The following EXOC6B variants were observed in gnomAD, a reference collection of about 807,000 sequenced individuals.
EXOC6B encodes SEC15 homolog B.
In EXOC6B, 54 loss-of-function variants were observed where a neutral mutation model predicts 113.5. The observed-to-expected ratio is 0.48, with a 90% confidence interval of 0.38 to 0.60. EXOC6B has a LOEUF of 0.60. Among genes scored for constraint, EXOC6B ranks in the 20% least tolerant of loss-of-function variants. The pLI is 0.00. For synonymous variants in EXOC6B, 357 were observed against 339.0 expected (o/e 1.05, Z -0.58); for missense variants, 797 against 977.5 (o/e 0.82, Z 2.46).
At chr2:72,799,366 T>C (rs1171969950) in intron 1 of EXOC6B, among the ~76,000 whole-genome samples, 2 of 151,454 alleles carry the variant, frequency 1.3e-5, no homozygotes, top group Non-Finnish European at 2.9e-5. Flanking sequence ...GCCTAGGAGA[T>C]TGAGACCAAC....
intron 6 of EXOC6B, among the ~76,000 whole-genome samples, chr2:72,634,354 G>A (rs925469464): frequency 3.7e-4 from 56 of 152,026 alleles, no homozygotes; most frequent in African/African-American, 1.0e-3. Context: ...TCCTCTTCCC[G>A]CTAAGTACAA....
chr2:72,309,706 G>A (rs1028116083), intron 20 of EXOC6B, among the ~76,000 whole-genome samples: 38 of 151,550 alleles, frequency 2.5e-4, no homozygotes, highest in African/African-American at 8.7e-4. Flanking sequence ...AAATTCAGTG[G>A]CACTAAGTAC....
chr2:72,687,202 CTTTATAGTATT>C (rs1322748395), intron 6 of EXOC6B, among the ~76,000 whole-genome samples: 1 of 151,214 alleles, frequency 6.6e-6, no homozygotes, highest in Non-Finnish European at 1.5e-5. Flanking sequence ...GTTTTTCTTA[CTTTATAGTATT>C]TTATGGATAG....
At chr2:72,495,566 A>C in intron 14 of EXOC6B, 27 bp from the exon 15 acceptor site, 1 of 1,255,942 alleles carries the variant, frequency 8.0e-7, no homozygotes, top group Non-Finnish European at 1.2e-6. Flanking sequence ...TAATGAAATC[A>C]AGTCACAAAC....
chr2:72,586,580 G>A (rs571197521), intron 6 of EXOC6B, among the ~76,000 whole-genome samples: 8 of 151,888 alleles, frequency 5.3e-5, no homozygotes, highest in East Asian at 1.9e-4. Flanking sequence ...GTGAAACCCC[G>A]TCTCTATAAA....
intron 17 of EXOC6B, among the ~76,000 whole-genome samples, chr2:72,470,880 G>T (rs759346951): frequency 2.0e-5 from 3 of 152,086 alleles, no homozygotes; most frequent in Non-Finnish European, 4.4e-5. Flanking sequence ...TGGACATTTG[G>T]GTTGGTTCCA....
At chr2:72,457,138 T>C (rs1012491267) in intron 18 of EXOC6B, among the ~76,000 whole-genome samples, 3 of 151,834 alleles carry the variant, frequency 2.0e-5, no homozygotes, top group African/African-American at 7.3e-5. Context: ...GACAGAAAGG[T>C]AGTTTAAGGT....
intron 6 of EXOC6B, among the ~76,000 whole-genome samples, chr2:72,679,021 T>C (rs915743337): frequency 6.6e-5 from 10 of 152,220 alleles, no homozygotes; most frequent in African/African-American, 2.4e-4. Context: ...ATGAAAGTTA[T>C]GGATCTTCTC....
At chr2:72,473,912 A>G (rs1419433597) in intron 17 of EXOC6B, among the ~76,000 whole-genome samples, 1 of 152,082 alleles carries the variant, frequency 6.6e-6, no homozygotes, top group Non-Finnish European at 1.5e-5. Context: ...CCAAGTTTAG[A>G]ATTCCCTTGA....
intron 1 of EXOC6B, among the ~76,000 whole-genome samples, chr2:72,763,030 AC>A (rs1173802692): frequency 6.6e-6 from 1 of 152,164 alleles, no homozygotes; most frequent in East Asian, 1.9e-4. Context: ...CTAAAAACAA[AC>A]AAAACAAAAC....
intron 20 of EXOC6B, among the ~76,000 whole-genome samples, chr2:72,300,495 C>T (rs1338449357): frequency 2.6e-5 from 4 of 152,222 alleles, no homozygotes; most frequent in Non-Finnish European, 5.9e-5. Flanking sequence ...GACCACGTGG[C>T]TGCCTGGCTT....
intron 20 of EXOC6B, among the ~76,000 whole-genome samples, chr2:72,292,174 T>A (rs1042537134): frequency 7.5e-5 from 6 of 80,232 alleles, no homozygotes; most frequent in South Asian, 3.0e-4. Flanking sequence ...CAGAAGTAAG[T>A]GTGTGTGTGT....
intron 20 of EXOC6B, among the ~76,000 whole-genome samples, chr2:72,247,225 T>C (rs1320492331): frequency 1.3e-5 from 2 of 152,228 alleles, no homozygotes; most frequent in Non-Finnish European, 2.9e-5. Flanking sequence ...TTTGATCTAT[T>C]TTATTCCCAT....
intron 19 of EXOC6B, among the ~76,000 whole-genome samples, chr2:72,369,917 A>T (rs1690894738): frequency 6.6e-6 from 1 of 152,196 alleles, no homozygotes; most frequent in African/African-American, 2.4e-5. Flanking sequence ...CCTAGAAGAA[A>T]ACCTAGGCAA....
At chr2:72,612,401 C>T (rs1671129506) in intron 6 of EXOC6B, among the ~76,000 whole-genome samples, 1 of 152,158 alleles carries the variant, frequency 6.6e-6, no homozygotes, top group Non-Finnish European at 1.5e-5. Flanking sequence ...CTAAGTGAGG[C>T]AGATGCTGGT....
In EXOC6B at chr2:72,180,994, G is replaced by C. The variant is rs1678048471; in HGVS notation, c.2310-1533C>G. Among the ~76,000 whole-genome samples, 3 of 152,186 alleles carry C rather than the reference G, an allele frequency of 2.0e-5. No homozygotes were observed. In the South Asian group the frequency reaches 6.2e-4, roughly 32 times the overall value. ...GGAGGCCGAGGCGGGTGGATCATGA[G>C]GTCAGGAGATCAAGACCATCCTGAC... On this transcript the variant is annotated intron_variant, in intron 21 of 21. Transcript: ENST00000272427.
chr2:72,745,477 G>A lies in EXOC6B; in HGVS notation c.114-4008C>T, dbSNP rs1681634373. Among the ~76,000 whole-genome samples, 9 of 151,774 alleles carry A rather than the reference G, an allele frequency of 5.9e-5. 1 individual carries two copies. ...ATTAAAAAAAAAGAAAGAATAAAACGTAAAACACCCATATTTAAAACAGGG... is the reference window on the plus strand; with the variant it reads ...ATTAAAAAAAAAGAAAGAATAAAACATAAAACACCCATATTTAAAACAGGG... On this transcript the variant is annotated intron_variant, in intron 1 of 21. Coordinates refer to ENST00000272427, the MANE Select transcript of EXOC6B (RefSeq NM_015189.3).
chr2:72,395,962 A>T (rs1177441899), intron 18 of EXOC6B, among the ~76,000 whole-genome samples: 1 of 152,168 alleles, frequency 6.6e-6, no homozygotes, highest in Non-Finnish European at 1.5e-5. Context: ...GAAATTTAAA[A>T]GGAAATTTTA....
chr2:72,752,974 A>G (rs1682159145), intron 1 of EXOC6B, among the ~76,000 whole-genome samples: 1 of 151,916 alleles, frequency 6.6e-6, no homozygotes, highest in Non-Finnish European at 1.5e-5. Flanking sequence ...CTCTTCACAT[A>G]TATATATACC....
Sources: gnomAD v4.1 joint callset for allele counts (sites outside exome capture counted in the v4.1 genomes callset) on GRCh38, gnomAD v4.1.1 for gene constraint, MANE v1.5 for transcripts, NCBI Gene and HGNC (gene_info 2026-07-23, HGNC 2026-07-21) for gene names.